The following ITPR2 variants were observed in gnomAD, a reference collection of about 807,000 sequenced individuals.
ITPR2 encodes the protein inositol 1,4,5-trisphosphate-gated calcium channel ITPR2.
A neutral mutation model predicts 317.1 loss-of-function variants in ITPR2; 207 were observed. The ratio of observed to expected loss-of-function variants is 0.65; its 90% CI spans 0.58 to 0.73. ITPR2 has a LOEUF of 0.73. Ranked by LOEUF, ITPR2 falls within the 30% of genes least tolerant of loss-of-function variation. The pLI, the probability that ITPR2 is intolerant of heterozygous loss-of-function variation, is 0.00. For missense variants in ITPR2, 2,613 were observed against 3,284.0 expected, an observed-to-expected ratio of 0.80 and a Z score of 4.99; for synonymous variants, 1,156 against 1,149.1, an observed-to-expected ratio of 1.01 and a Z score of -0.12.
chr12:26,523,787 C>T (rs781265693), intron 37 of ITPR2, among the ~76,000 whole-genome samples: 2 of 152,222 alleles, frequency 1.3e-5, no homozygotes, highest in Non-Finnish European at 2.9e-5. Context: ...TGCAGACTCA[C>T]GGATCGTTCA....
intron 4 of ITPR2, among the ~76,000 whole-genome samples, chr12:26,723,520 T>C (rs1195294184): frequency 1.3e-5 from 2 of 152,120 alleles, no homozygotes; most frequent in African/African-American, 2.4e-5. Context: ...ACTCTATTTA[T>C]GAAGGATTGC....
chr12:26,516,520 T>C (rs1943524056), intron 37 of ITPR2, among the ~76,000 whole-genome samples: 1 of 151,420 alleles, frequency 6.6e-6, no homozygotes, highest in African/African-American at 2.4e-5. Flanking sequence ...AGAATATATA[T>C]AAGGAATATA....
At chr12:26,458,889 C>T (rs529278729) in intron 45 of ITPR2, among the ~76,000 whole-genome samples, 3 of 152,284 alleles carry the variant, frequency 2.0e-5, no homozygotes, top group East Asian at 3.9e-4. Context: ...GTGAAGGCCT[C>T]GCCACAGCTC....
chr12:26,620,865 T>C (rs1946475642), intron 26 of ITPR2, among the ~76,000 whole-genome samples: 1 of 152,182 alleles, frequency 6.6e-6, no homozygotes, highest in Non-Finnish European at 1.5e-5. Context: ...TCTTGATTGC[T>C]GAATTATAGA....
intron 55 of ITPR2, among the ~76,000 whole-genome samples, chr12:26,357,983 C>A (rs1379190636): frequency 2.0e-5 from 3 of 152,172 alleles, no homozygotes; most frequent in African/African-American, 7.2e-5. Context: ...TGAACTATTA[C>A]AAAGAGAGCT....
intron 30 of ITPR2, among the ~76,000 whole-genome samples, chr12:26,597,346 G>A (rs1945873120): frequency 6.6e-6 from 1 of 152,170 alleles, no homozygotes; most frequent in Non-Finnish European, 1.5e-5. Flanking sequence ...CAGTTGAGGC[G>A]ATGTGGAAGC....
rs921212639 is a variant in ITPR2, at chr12:26,387,402, T to C, written c.7857+32A>G. ...AGATGAAAGCCTAAAAGATACAATA[T>C]AGTCACAAATTAAAACCTTCTGGTC... On this transcript the variant is annotated intron_variant, in intron 55 of 56. Transcript: ENST00000381340. 6 of 1,602,548 alleles carry C rather than the reference T, an allele frequency of 3.7e-6. No homozygotes were observed. The African/African-American group carries it at 6.7e-5, about 18-fold the overall frequency.
intron 34 of ITPR2, among the ~76,000 whole-genome samples, chr12:26,573,372 A>C (rs1462828111): frequency 6.6e-6 from 1 of 152,198 alleles, no homozygotes; most frequent in African/African-American, 2.4e-5. Context: ...ACAAACACTT[A>C]TTAATCTGCT....
At chr12:26,802,699 T>C (rs1337497555) in intron 1 of ITPR2, among the ~76,000 whole-genome samples, 1 of 151,254 alleles carries the variant, frequency 6.6e-6, no homozygotes, top group Non-Finnish European at 1.5e-5. Flanking sequence ...AGAAAAAAGC[T>C]TTATTCAGAA....
At chr12:26,782,037 TAGAGAGAGAG>T (rs1177233376) in intron 2 of ITPR2, among the ~76,000 whole-genome samples, 2,008 of 51,444 alleles carry the variant, frequency 0.039, 81 homozygotes, top group African/African-American at 0.11. Flanking sequence ...TATATATGTA[TAGAGAGAGAG>T]AGAGAGAGAG....
At chr12:26,413,335 C>T (rs1940612568) in intron 51 of ITPR2, among the ~76,000 whole-genome samples, 1 of 152,196 alleles carries the variant, frequency 6.6e-6, no homozygotes, top group Non-Finnish European at 1.5e-5. Context: ...TCATTGCTCC[C>T]ACCAACTGAT....
intron 34 of ITPR2, among the ~76,000 whole-genome samples, chr12:26,577,666 C>A (rs921675019): frequency 5.3e-5 from 8 of 152,094 alleles, no homozygotes; most frequent in African/African-American, 1.9e-4. Flanking sequence ...TTCAATTAAG[C>A]CTCTTGGGTT....
intron 45 of ITPR2, among the ~76,000 whole-genome samples, chr12:26,457,303 C>T (rs61914407): frequency 0.02 from 3,096 of 152,164 alleles, 143 homozygotes; most frequent in East Asian, 0.2. Flanking sequence ...GTTCTTGACT[C>T]CAAGGCACAG....
chr12:26,690,050 T>C (rs969712631), intron 10 of ITPR2, among the ~76,000 whole-genome samples: 56 of 152,188 alleles, frequency 3.7e-4, no homozygotes, highest in African/African-American at 1.3e-3. Context: ...GTGTTGTAAA[T>C]ACATGTGAGA....
intron 37 of ITPR2, among the ~76,000 whole-genome samples, chr12:26,499,559 GAA>G (rs1943025894): frequency 6.6e-6 from 1 of 152,172 alleles, no homozygotes; most frequent in Non-Finnish European, 1.5e-5. Context: ...AAAATTTACT[GAA>G]AGTACTTGGA....
At chr12:26,638,455 CA>C (rs1946910696) in intron 21 of ITPR2, among the ~76,000 whole-genome samples, 1 of 152,190 alleles carries the variant, frequency 6.6e-6, no homozygotes, top group African/African-American at 2.4e-5. Context: ...TGTGCCCTTT[CA>C]CAGTCAATTC....
chr12:26,554,162 C>T (rs1944601507), intron 36 of ITPR2, among the ~76,000 whole-genome samples: 1 of 152,154 alleles, frequency 6.6e-6, no homozygotes, highest in African/African-American at 2.4e-5. Flanking sequence ...TTCTCATAGA[C>T]CAGTATCTCC....
intron 2 of ITPR2, among the ~76,000 whole-genome samples, chr12:26,776,781 CT>C (rs1949979476): frequency 6.6e-6 from 1 of 152,176 alleles, no homozygotes; most frequent in African/African-American, 2.4e-5. Flanking sequence ...GGAAGGACCC[CT>C]TAGGCAGTTG....
intron 2 of ITPR2, among the ~76,000 whole-genome samples, chr12:26,784,132 T>C (rs745763100): frequency 6.6e-6 from 1 of 152,064 alleles, no homozygotes; most frequent in Non-Finnish European, 1.5e-5. Context: ...TAAACTAATG[T>C]CCCCAGTGAG....
Sources: gnomAD v4.1 joint callset for allele counts (sites outside exome capture counted in the v4.1 genomes callset) on GRCh38, gnomAD v4.1.1 for gene constraint, MANE v1.5 for transcripts, NCBI Gene and HGNC (gene_info 2026-07-23, HGNC 2026-07-21) for gene names.